VPS13C: variants seen among roughly 807,000 people sequenced by gnomAD.
VPS13C encodes intermembrane lipid transfer protein VPS13C.
Under a neutral mutation model 456.8 loss-of-function variants are expected in VPS13C, and 358 were observed. The ratio of observed to expected loss-of-function variants is 0.78; its 90% CI spans 0.72 to 0.86. VPS13C has a LOEUF of 0.86. Among genes scored for constraint, VPS13C ranks in the 40% least tolerant of loss-of-function variants. VPS13C has a pLI of 0.00. For missense variants in VPS13C, 4,818 were observed against 4,385.4 expected (o/e 1.10, Z -2.79); for synonymous variants, 1,578 against 1,486.7 (o/e 1.06, Z -1.41).
chr15:61,983,386 A>T (rs2140392571), intron 20 of VPS13C, among the ~76,000 whole-genome samples: 1 of 152,338 alleles, frequency 6.6e-6, no homozygotes, highest in East Asian at 1.9e-4. Context: ...TTCCAATAAC[A>T]TCTAAACATC....
chr15:61,969,349 G>A lies in VPS13C; in HGVS notation c.2861C>T (p.Thr954Ile). ...GATTTTCTTTAAATAAGATACCACA[G>A]TTAAGTCAAATGTTCTCATTGTGGC... is the stretch of plus-strand genomic sequence containing the variant. ...TEATMRTFDLTVVSYLKKISL... is the reference protein window; with the variant it reads ...TEATMRTFDLIVVSYLKKISL... Residue 954 changes from threonine to isoleucine, a missense_variant, in exon 28 of 85, where the codon ACT (threonine) becomes ATT (isoleucine). Thr to Ile is a moderately conservative substitution (Grantham distance 89). Coordinates refer to ENST00000644861, the MANE Select transcript of VPS13C (RefSeq NM_020821.3). The A allele has an allele frequency of 6.2e-7, 1 of 1,604,074 alleles. No individual in the cohort carries two copies. Among genetic ancestry groups the A allele is most frequent in the South Asian group, 1.1e-5 (1 of 88,894 alleles).
At chr15:61,905,292 TCTTTA>T (rs2043123625) in intron 66 of VPS13C, among the ~76,000 whole-genome samples, 1 of 152,190 alleles carries the variant, frequency 6.6e-6, no homozygotes, top group East Asian at 1.9e-4. Flanking sequence ...AAAATCAACA[TCTTTA>T]CTTTCTTTTT....
chr15:61,981,724 G>C (rs1049350374), intron 21 of VPS13C, among the ~76,000 whole-genome samples: 1 of 152,082 alleles, frequency 6.6e-6, no homozygotes, highest in Non-Finnish European at 1.5e-5. Context: ...TTAGCCAGGC[G>C]TGGTGGCGGG....
chr15:61,958,003 G>T (rs1203190742), intron 37 of VPS13C, among the ~76,000 whole-genome samples: 2 of 151,474 alleles, frequency 1.3e-5, no homozygotes, highest in African/African-American at 4.8e-5. Context: ...GCTACCATTT[G>T]TTTGAAAAAA....
chr15:61,932,186 C>T (rs1442253996), intron 49 of VPS13C, among the ~76,000 whole-genome samples: 1 of 152,112 alleles, frequency 6.6e-6, no homozygotes. Context: ...TTGAAGAGAT[C>T]ATTATGGCTG....
intron 66 of VPS13C, among the ~76,000 whole-genome samples, chr15:61,892,453 A>T (rs1424406052): frequency 6.6e-6 from 1 of 152,190 alleles, no homozygotes. Flanking sequence ...GCTGAATAGG[A>T]GGCAGTGATC....
intron 77 of VPS13C, 30 bp downstream of exon 77, chr15:61,874,846 T>C: frequency 6.6e-7 from 1 of 1,515,296 alleles, no homozygotes. Context: ...ATAAAAAATA[T>C]ACACATATAC....
At chr15:62,053,408 G>A (rs566402202) in intron 1 of VPS13C, among the ~76,000 whole-genome samples, 4 of 152,334 alleles carry the variant, frequency 2.6e-5, no homozygotes, top group African/African-American at 7.2e-5. Context: ...ATATCAGCAT[G>A]AGCCTGGAAC....
At chr15:61,948,779 C>G (rs1018772096) in intron 42 of VPS13C, among the ~76,000 whole-genome samples, 1 of 151,816 alleles carries the variant, frequency 6.6e-6, no homozygotes. Flanking sequence ...AACTCAAACT[C>G]GTAACGATCT....
At chr15:61,920,373 A>G in intron 56 of VPS13C, 42 bp from the exon 57 acceptor site, 7 of 1,527,932 alleles carry the variant, frequency 4.6e-6, no homozygotes, top group Non-Finnish European at 6.1e-6. Flanking sequence ...TTTGAAAAAC[A>G]TACATTCTTC....
At position 61,923,067 on chromosome 15, in the gene VPS13C, A is replaced by C. The variant is rs549891067; in HGVS notation, c.6610-305T>G. The stretch of plus-strand genomic sequence containing the variant: ...AATCTAAAGTTAAGCTGATCAATTC[A>C]GAGCAAAACAGTGTTATGTGAATAG... On this transcript the variant is annotated intron_variant, in intron 53 of 84. Transcript: ENST00000644861. Among the ~76,000 whole-genome samples, 15 of 152,184 alleles carry C rather than the reference A, an allele frequency of 9.9e-5. No homozygotes were observed. The East Asian group carries it at 2.5e-3, about 25-fold the overall frequency.
Position 62,008,735 on chromosome 15 carries a change from C to G in VPS13C, c.1038G>C (p.Glu346Asp). The change falls in exon 14 of 85, where the codon GAG becomes GAC. Residue 346 changes from glutamate to aspartate, a missense_variant. By Grantham distance (45) the Glu-to-Asp change is conservative. Transcript: ENST00000644861. Reference protein sequence around the residue: ...PQYLSMIDLLESVDYMVRNAP... With the variant: ...PQYLSMIDLLDSVDYMVRNAP... ...CATTCCTAACCATATAATCCACTGA[C>G]TCCAAAAGGTCAATCATACTTAAGT... 1 of 1,603,716 alleles carries G rather than the reference C, an allele frequency of 6.2e-7. No homozygotes were observed. Among genetic ancestry groups the G allele is most frequent in the Non-Finnish European group, 8.5e-7 (1 of 1,174,568 alleles).
chr15:62,012,013 G>T, intron 12 of VPS13C, 94 bp downstream of exon 12: 1 of 755,680 alleles, frequency 1.3e-6, no homozygotes, highest in Non-Finnish European at 2.2e-6. Context: ...AATATACTTT[G>T]ACTAAGTAAG....
At chr15:61,961,453 C>A (rs2045204202) in intron 35 of VPS13C, 136 bp downstream of exon 35, 1 of 703,916 alleles carries the variant, frequency 1.4e-6, no homozygotes, top group South Asian at 2.5e-5. Context: ...AAAACAATGA[C>A]AACAATAAAA....
intron 61 of VPS13C, among the ~76,000 whole-genome samples, chr15:61,914,878 T>TTAAAAAAAAA (rs1455691773): frequency 2.0e-5 from 2 of 102,048 alleles, no homozygotes; most frequent in African/African-American, 7.4e-5. Flanking sequence ...AACTCTGCCT[T>TTAAAAAAAAA]AAAAAAAAAA....
In VPS13C at chr15:61,973,052, C is replaced by T. The variant is rs538096634; in HGVS notation, c.2618-288G>A. Reference sequence around the variant, plus strand: ...AATATTTATTGGGCATTATCTACCACGTATCAGGCTGTGCCAGCCAGTAAG... The same window carrying T: ...AATATTTATTGGGCATTATCTACCATGTATCAGGCTGTGCCAGCCAGTAAG... On this transcript the variant is annotated intron_variant, in intron 26 of 84. Transcript: ENST00000644861. Among the ~76,000 whole-genome samples the T allele has an allele frequency of 1.8e-4, 27 of 152,252 alleles. No homozygotes were observed. In the East Asian group the frequency reaches 3.7e-3, roughly 21 times the overall value.
chr15:61,863,611 A>C (rs1894347792), intron 81 of VPS13C, 83 bp from the exon 82 acceptor site: 4 of 838,612 alleles, frequency 4.8e-6, no homozygotes, highest in Non-Finnish European at 7.5e-6. Flanking sequence ...TAATTATAAT[A>C]ATAGTGTTAG....
At chr15:61,896,138 A>G (rs2140093261) in intron 66 of VPS13C, among the ~76,000 whole-genome samples, 1 of 152,328 alleles carries the variant, frequency 6.6e-6, no homozygotes. Context: ...ACAAGCAACA[A>G]GATCAAAGCA....
At position 61,908,537 on chromosome 15, in the gene VPS13C, T is replaced by A. The variant is rs188411400; in HGVS notation, c.8978+455A>T. ...ACTATCTACTCATCGTCTTCTCATT[T>A]AACCTTCTACTATCCCTACCCAAAA... is the stretch of plus-strand genomic sequence containing the variant. On this transcript the variant is annotated intron_variant, in intron 65 of 84. Coordinates refer to ENST00000644861, the MANE Select transcript of VPS13C (RefSeq NM_020821.3). Among the ~76,000 whole-genome samples, 672 of 152,248 alleles carry A rather than the reference T, an allele frequency of 4.4e-3. 2 individuals are homozygous for A. Among genetic ancestry groups the A allele is most frequent in the Non-Finnish European group, 8.0e-3 (544 of 68,014 alleles).
Sources: allele counts gnomAD v4.1 joint callset (sites outside exome capture counted in the v4.1 genomes callset), GRCh38; gene constraint gnomAD v4.1.1; transcripts MANE v1.5; gene names NCBI Gene and HGNC (gene_info 2026-07-23, HGNC 2026-07-21).